The following ARHGEF9 variants were observed in gnomAD, a reference collection of about 807,000 sequenced individuals.
The protein encoded by ARHGEF9 is rho guanine nucleotide exchange factor 9.
ARHGEF9 carries 2 observed loss-of-function variants against 41.3 expected under a neutral mutation model. The ratio of observed to expected loss-of-function variants is 0.05; its 90% CI spans 0.02 to 0.15. The LOEUF (loss-of-function observed/expected upper bound fraction) is 0.15. Ranked by LOEUF, ARHGEF9 falls within the 10% of genes least tolerant of loss-of-function variation. ARHGEF9 has a pLI of 1.00. For synonymous variants in ARHGEF9, 160 were observed against 154.4 expected, an observed-to-expected ratio of 1.04 and a Z score of -0.27; for missense variants, 225 against 424.7, an observed-to-expected ratio of 0.53 and a Z score of 4.13.
intron 1 of ARHGEF9, among the ~76,000 whole-genome samples, chrX:63,768,866 T>C (rs782200021): frequency 2.2e-4 from 25 of 112,267 alleles, no homozygotes; most frequent in Middle Eastern, 4.6e-3. Context: ...TCCCCAGCCA[T>C]GTGAAACTGT....
chrX:63,640,214 A>T (rs1220262084), intron 9 of ARHGEF9: 6 of 112,393 alleles, frequency 5.3e-5, no homozygotes, highest in African/African-American at 9.7e-5. Flanking sequence ...TCAAAATATC[A>T]CATGTACTCA....
In ARHGEF9 at chrX:63,635,209, T is replaced by C. The variant is rs2047256106; in HGVS notation, c.*2819A>G. The C allele has an allele frequency of 2.3e-6, 1 of 431,175 alleles. No individual in the cohort carries two copies. Among genetic ancestry groups the C allele is most frequent in the Non-Finnish European group, 4.1e-6 (1 of 241,686 alleles). 35.5% of individuals were successfully genotyped at this position (431,175 alleles called of 1,213,427 possible). On this transcript the variant is annotated 3_prime_UTR_variant, in exon 10 of 10. Coordinates refer to ENST00000671741, the MANE Select transcript of ARHGEF9 (RefSeq NM_001353921.2). ...CCCCAAAGCACTAAAAGATCACTAT[T>C]TGGCTTCACACTAGAATTGTTAGAA...
In ARHGEF9 at chrX:63,772,749, G is replaced by T. The variant is rs1404589432; in HGVS notation, c.30+12367C>A. 2.7e-5 allele frequency among the ~76,000 whole-genome samples: 3 copies of T among 111,005 alleles called. No homozygotes were observed. In the East Asian group the frequency reaches 8.6e-4, roughly 32 times the overall value. On this transcript the variant is annotated intron_variant, in intron 1 of 9. Transcript: ENST00000671741. ...GGGCTTACAAGGTTCTCTGTGAGCT[G>T]GTCCCTGCCTTACTCTCTACCCTCT...
intron 1 of ARHGEF9, among the ~76,000 whole-genome samples, chrX:63,765,232 C>T (rs1556451241): frequency 9.0e-6 from 1 of 110,551 alleles, no homozygotes; most frequent in Non-Finnish European, 1.9e-5. Flanking sequence ...TCATGAGATG[C>T]CAAGTGTTTC....
chrX:63,748,528 G>T (rs1432245400), intron 1 of ARHGEF9, among the ~76,000 whole-genome samples: 1 of 111,713 alleles, frequency 9.0e-6, no homozygotes, highest in East Asian at 2.8e-4. Flanking sequence ...TAGCAAGTTT[G>T]GTTCAAAAAA....
intron 8 of ARHGEF9, among the ~76,000 whole-genome samples, chrX:63,646,601 G>A (rs1602199564): frequency 9.0e-6 from 1 of 111,703 alleles, no homozygotes; most frequent in Admixed American, 9.5e-5. Flanking sequence ...CTCTGTTTTG[G>A]TACCACTATC....
chrX:63,636,846 G>T lies in ARHGEF9; in HGVS notation c.*1182C>A. ...CCCTGTCCAGGTCAATAATTTGAAG[G>T]TAGCTGATGATCTTGATCAGGTGGG... On this transcript the variant is annotated 3_prime_UTR_variant, in exon 10 of 10. Coordinates refer to ENST00000671741, the MANE Select transcript of ARHGEF9 (RefSeq NM_001353921.2). The T allele has an allele frequency of 1.0e-5, 3 of 297,356 alleles. No homozygotes were observed. The highest frequency in any genetic ancestry group is 1.8e-5 in the Non-Finnish European group (3 of 170,261). The allele number at this position is 297,356 out of a possible 1,213,427, so 24.5% of individuals were successfully genotyped here.
intron 1 of ARHGEF9, among the ~76,000 whole-genome samples, chrX:63,739,200 C>CACCT (rs2054798948): frequency 9.0e-6 from 1 of 111,719 alleles, no homozygotes; most frequent in African/African-American, 3.3e-5. Flanking sequence ...TGAGGAGGTG[C>CACCT]GGGTGACCAA....
chrX:63,753,736 T>A (rs1286751696), intron 1 of ARHGEF9, among the ~76,000 whole-genome samples: 1 of 111,534 alleles, frequency 9.0e-6, no homozygotes, highest in Non-Finnish European at 1.9e-5. Context: ...GCTTTAAGGT[T>A]CAAGAAGTGT....
intron 3 of ARHGEF9, among the ~76,000 whole-genome samples, chrX:63,699,442 A>G (rs1308019118): frequency 8.9e-6 from 1 of 111,973 alleles, no homozygotes; most frequent in African/African-American, 3.2e-5. Context: ...ACAAAACACC[A>G]TAAAATCACC....
At position 63,635,313 on chromosome X, in the gene ARHGEF9, T is replaced by A. The variant is rs1396346413; in HGVS notation, c.*2715A>T. 6 of 518,712 alleles carry A rather than the reference T, an allele frequency of 1.2e-5. No individual in the cohort carries two copies. In the South Asian group the frequency reaches 1.3e-4, roughly 11 times the overall value. The allele number at this position is 518,712 out of a possible 1,213,427, so 42.7% of individuals were successfully genotyped here. A position where few individuals can be genotyped will look rare whatever the true frequency, so the allele number is the denominator to read the frequency against. ...GGGAAAAAGAGAGAATAATTAGATG[T>A]CTGTCTTAGGACTCCCCACAGCAGG... On this transcript the variant is annotated 3_prime_UTR_variant, in exon 10 of 10. Transcript: ENST00000671741.
chrX:63,710,942 C>CA (rs1245255108), intron 2 of ARHGEF9, among the ~76,000 whole-genome samples: 15 of 107,420 alleles, frequency 1.4e-4, no homozygotes, highest in Non-Finnish European at 2.1e-4. Flanking sequence ...AGGAATCCAC[C>CA]AAAAAAAAAC....
chrX:63,753,995 C>T (rs2055818344), intron 1 of ARHGEF9, among the ~76,000 whole-genome samples: 1 of 111,779 alleles, frequency 8.9e-6, no homozygotes, highest in South Asian at 3.7e-4. Flanking sequence ...TTCCACAAAC[C>T]CTTTTCCCCT....
At chrX:63,653,797 T>C (rs1437734583) in intron 8 of ARHGEF9, among the ~76,000 whole-genome samples, 1 of 111,065 alleles carries the variant, frequency 9.0e-6, no homozygotes, top group East Asian at 2.8e-4. Flanking sequence ...CATGCATTAA[T>C]TTTATAATTA....
At chrX:63,690,757 T>C (rs1556380631) in intron 4 of ARHGEF9, among the ~76,000 whole-genome samples, 1 of 111,354 alleles carries the variant, frequency 9.0e-6, no homozygotes, top group Non-Finnish European at 1.9e-5. Context: ...CAAACTGAAT[T>C]AAACAACACA....
At chrX:63,784,341 C>A (rs1442370550) in intron 1 of ARHGEF9, among the ~76,000 whole-genome samples, 1 of 112,677 alleles carries the variant, frequency 8.9e-6, no homozygotes, top group African/African-American at 3.2e-5. Flanking sequence ...ATTCCAAGGT[C>A]TCCAGGTGGA....
Position 63,681,924 on chromosome X carries a change from A to G in ARHGEF9, c.583-3352T>C, listed in dbSNP as rs561433050. Among the ~76,000 whole-genome samples, 21 of 111,005 alleles carry G rather than the reference A, an allele frequency of 1.9e-4. 1 individual carries two copies. In the South Asian group the frequency reaches 6.8e-3, roughly 36 times the overall value. On this transcript the variant is annotated intron_variant, in intron 4 of 9. Coordinates refer to ENST00000671741, the MANE Select transcript of ARHGEF9 (RefSeq NM_001353921.2). Reference sequence around the variant, plus strand: ...AATTATATGACAACAACTTGGAAACACCAGAGGAAATGAATATATTCCTAG... The same window carrying G: ...AATTATATGACAACAACTTGGAAACGCCAGAGGAAATGAATATATTCCTAG...
intron 4 of ARHGEF9, among the ~76,000 whole-genome samples, chrX:63,695,962 T>C (rs1226664260): frequency 2.0e-4 from 22 of 111,832 alleles, no homozygotes; most frequent in African/African-American, 6.5e-4. Context: ...TGTGACTCCA[T>C]TGGGGGATGG....
intron 1 of ARHGEF9, among the ~76,000 whole-genome samples, chrX:63,742,837 G>A (rs2055041481): frequency 8.9e-6 from 1 of 112,298 alleles, no homozygotes; most frequent in African/African-American, 3.2e-5. Context: ...ATTTATTGTA[G>A]ATCCAGTAGA....
Sources: gnomAD v4.1 joint callset for allele counts (sites outside exome capture counted in the v4.1 genomes callset) on GRCh38, gnomAD v4.1.1 for gene constraint, MANE v1.5 for transcripts, NCBI Gene and HGNC (gene_info 2026-07-23, HGNC 2026-07-21) for gene names.